EPB41L4B: variants seen among roughly 807,000 people sequenced by gnomAD.
The protein encoded by EPB41L4B is band 4.1-like protein 4B.
In EPB41L4B, 30 loss-of-function variants were observed where a neutral mutation model predicts 112.5. The ratio of observed to expected loss-of-function variants is 0.27; its 90% CI spans 0.20 to 0.36. The LOEUF (loss-of-function observed/expected upper bound fraction) is 0.36. Among genes scored for constraint, EPB41L4B ranks in the 10% least tolerant of loss-of-function variants. The pLI is 1.00. For missense variants in EPB41L4B, 1,024 were observed against 1,133.3 expected (o/e 0.90, Z 1.38); for synonymous variants, 408 against 439.7 (o/e 0.93, Z 0.90).
At position 109,223,131 on chromosome 9, in the gene EPB41L4B, G is replaced by T. The variant is rs191326300; in HGVS notation, c.1410-5986C>A. ...GGACTGCCAGACAACCAAACATGTG[G>T]TGCTCAGTCAAAATTGTTGCATGCT... On this transcript the variant is annotated intron_variant, in intron 15 of 25. Coordinates refer to ENST00000374566, the MANE Select transcript of EPB41L4B (RefSeq NM_019114.5). Among the ~76,000 whole-genome samples the T allele has an allele frequency of 9.4e-3, 1,430 of 152,240 alleles. 20 individuals carry two copies. The highest frequency in any genetic ancestry group is 0.012 in the Non-Finnish European group (812 of 68,022).
chr9:109,277,436 C>A (rs571915594), intron 2 of EPB41L4B, among the ~76,000 whole-genome samples: 7 of 152,254 alleles, frequency 4.6e-5, no homozygotes, highest in African/African-American at 1.7e-4. Context: ...GGAACAAAGC[C>A]TCCGTGGGGA....
rs1468255976 is a variant in EPB41L4B at position 109,243,637 on chromosome 9, G to T, written c.1390C>A (p.Pro464Thr). Reference protein sequence around the residue: ...NIHPSQPRWHPHSPNVSYPLP... With the variant: ...NIHPSQPRWHTHSPNVSYPLP... ...ACTTACCTGACATTTGGAGAGTGAG[G>T]ATGCCACCGGGGCTGGCTGGGATGG... Residue 464 changes from proline (P) to threonine (T), a missense_variant, in exon 15 of 26, where the codon CCT becomes ACT. By Grantham distance (38) the Pro-to-Thr change is conservative (BLOSUM62 -1). Transcript: ENST00000374566. The T allele has an allele frequency of 6.2e-7, 1 of 1,614,110 alleles. No homozygotes were observed. The highest frequency in any genetic ancestry group is 8.5e-7 in the Non-Finnish European group (1 of 1,180,036).
In EPB41L4B at chr9:109,247,747, G is replaced by GT; in HGVS notation, c.1344+8dup. The GT allele has an allele frequency of 1.4e-6, 2 of 1,464,978 alleles. No individual in the cohort carries two copies. Among genetic ancestry groups the GT allele is most frequent in the Middle Eastern group, 1.8e-4 (1 of 5,516 alleles). The allele number at this position is 1,464,978 out of a possible 1,614,324, so 90.7% of individuals were successfully genotyped here. On this transcript the variant is annotated intron_variant, in intron 14 of 25. Coordinates refer to ENST00000374566, the MANE Select transcript of EPB41L4B (RefSeq NM_019114.5). ...TCTTTAAAGAAAACCTTTAAAAGCA[G>GT]TATCTTACCTGGTAATTATGGACTT...
intron 15 of EPB41L4B, among the ~76,000 whole-genome samples, chr9:109,218,191 T>C (rs1247804008): frequency 7.1e-6 from 1 of 141,070 alleles, no homozygotes; most frequent in Non-Finnish European, 1.5e-5. Context: ...AGTGGCACTA[T>C]CTCAGCTCAC....
At chr9:109,298,068 A>T (rs1421370942) in intron 1 of EPB41L4B, among the ~76,000 whole-genome samples, 2 of 152,130 alleles carry the variant, frequency 1.3e-5, no homozygotes, top group Non-Finnish European at 2.9e-5. Context: ...GAAAAAAAAA[A>T]GTCACTGCCT....
intron 1 of EPB41L4B, among the ~76,000 whole-genome samples, chr9:109,290,710 C>CAT (rs138734040): frequency 0.036 from 5,186 of 145,804 alleles, 214 homozygotes; most frequent in African/African-American, 0.098. Context: ...GGAAACTAGC[C>CAT]ATATATATAT....
In EPB41L4B at chr9:109,255,375, C is replaced by T. The variant is rs190110742; in HGVS notation, c.1169+136G>A. The T allele has an allele frequency of 3.6e-4, 353 of 992,362 alleles. 1 individual carries two copies. The East Asian group carries it at 8.8e-3, about 25-fold the overall frequency. The allele number at this position is 992,362 out of a possible 1,614,324, so 61.5% of individuals were successfully genotyped here. ...GGGTCAAAAGAGCTTCAGTTACTCA[C>T]CTTAAGAAACGTGGGGATGGGACAC... On this transcript the variant is annotated intron_variant, in intron 11 of 25. Coordinates refer to ENST00000374566, the MANE Select transcript of EPB41L4B (RefSeq NM_019114.5).
Position 109,253,498 on chromosome 9 carries a change from T to C in EPB41L4B, c.1222A>G (p.Thr408Ala), listed in dbSNP as rs1187008954. The C allele has an allele frequency of 6.2e-7, 1 of 1,614,104 alleles. No homozygotes were observed. Reference protein sequence around the residue: ...THGSRLRRTSTFERKPSKRYP... With the variant: ...THGSRLRRTSAFERKPSKRYP... ...CGTTTACTAGGCTTCCTCTCAAAGG[T>C]GCTGGTTCTTCGTAACCTGGAGCCA... The change falls in exon 12 of 26, where the codon ACC (threonine) becomes GCC (alanine). Residue 408 changes from threonine (T) to alanine (A), a missense_variant. Physicochemically the swap from Thr to Ala is moderately conservative, Grantham distance 58. Transcript: ENST00000374566.
At chr9:109,201,136 G>A (rs1384978756) in intron 19 of EPB41L4B, among the ~76,000 whole-genome samples, 1 of 152,192 alleles carries the variant, frequency 6.6e-6, no homozygotes, top group Non-Finnish European at 1.5e-5. Context: ...ATGGTGATAA[G>A]TATGTGGCCG....
At chr9:109,277,440 G>A (rs992731000) in intron 2 of EPB41L4B, among the ~76,000 whole-genome samples, 6 of 152,082 alleles carry the variant, frequency 3.9e-5, no homozygotes, top group East Asian at 3.9e-4. Flanking sequence ...CAAAGCCTCC[G>A]TGGGGACTGG....
chr9:109,312,858 G>A (rs1357821385), intron 1 of EPB41L4B, among the ~76,000 whole-genome samples: 8 of 151,974 alleles, frequency 5.3e-5, no homozygotes, highest in African/African-American at 1.9e-4. Context: ...CATCTTCCAC[G>A]CGTTTCCACC....
At chr9:109,274,948 G>A (rs1370513362) in intron 2 of EPB41L4B, among the ~76,000 whole-genome samples, 1 of 152,238 alleles carries the variant, frequency 6.6e-6, no homozygotes, top group Non-Finnish European at 1.5e-5. Context: ...CAGTGGGAAA[G>A]TGAGACAGTG....
At chr9:109,192,126 G>A in intron 22 of EPB41L4B, 152 bp downstream of exon 22, 1 of 659,068 alleles carries the variant, frequency 1.5e-6, no homozygotes. Context: ...GACCCACAGT[G>A]CCTGACCCCT....
intron 4 of EPB41L4B, among the ~76,000 whole-genome samples, chr9:109,265,748 C>T (rs1452118408): frequency 6.6e-6 from 1 of 152,202 alleles, no homozygotes; most frequent in Non-Finnish European, 1.5e-5. Flanking sequence ...GGCATCAGAA[C>T]CACTCACAAT....
intron 15 of EPB41L4B, among the ~76,000 whole-genome samples, chr9:109,218,236 A>G (rs1435883841): frequency 1.4e-5 from 2 of 142,140 alleles, no homozygotes; most frequent in Non-Finnish European, 3.0e-5. Flanking sequence ...AGCAATTCTC[A>G]TGCCTCAGCC....
intron 15 of EPB41L4B, among the ~76,000 whole-genome samples, chr9:109,220,908 T>A (rs994794479): frequency 6.6e-6 from 1 of 152,146 alleles, no homozygotes; most frequent in African/African-American, 2.4e-5. Flanking sequence ...TCATGCCCCA[T>A]GGAGGCAGCA....
At chr9:109,300,409 C>G (rs748154047) in intron 1 of EPB41L4B, 2 of 152,178 alleles carry the variant, frequency 1.3e-5, no homozygotes, top group Non-Finnish European at 2.9e-5. Flanking sequence ...TGAACAGCCG[C>G]AATTTTAACC....
intron 15 of EPB41L4B, among the ~76,000 whole-genome samples, chr9:109,223,551 AT>A (rs1833664380): frequency 6.6e-6 from 1 of 152,204 alleles, no homozygotes; most frequent in Non-Finnish European, 1.5e-5. Context: ...TGAGTGATCA[AT>A]GCCCCAAAAA....
chr9:109,232,501 A>C (rs1268080432), intron 15 of EPB41L4B, among the ~76,000 whole-genome samples: 1 of 152,218 alleles, frequency 6.6e-6, no homozygotes, highest in East Asian at 1.9e-4. Flanking sequence ...CTGTGAGTGT[A>C]AAATAATGTC....
Sources: gnomAD v4.1 joint callset for allele counts (sites outside exome capture counted in the v4.1 genomes callset) on GRCh38, gnomAD v4.1.1 for gene constraint, MANE v1.5 for transcripts, NCBI Gene and HGNC (gene_info 2026-07-23, HGNC 2026-07-21) for gene names.